Variants in KCNJ6 observed in about 807,000 individuals in gnomAD.
KCNJ6 encodes the protein potassium inwardly rectifying channel subfamily J member 6, also known as G protein-activated inward rectifier potassium channel 2.
In KCNJ6, 9 loss-of-function variants were observed where a neutral mutation model predicts 34.2. The observed-to-expected ratio is 0.26, with a 90% confidence interval of 0.16 to 0.46. The LOEUF (loss-of-function observed/expected upper bound fraction) is 0.46. Among genes scored for constraint, KCNJ6 ranks in the 20% least tolerant of loss-of-function variants. The probability of loss-of-function intolerance (pLI) is 1.00; values close to 1 mark genes in which losing one functional copy is unlikely to be tolerated. For missense variants in KCNJ6, 236 were observed against 531.3 expected (o/e 0.44, Z 5.46); for synonymous variants, 196 against 207.1 (o/e 0.95, Z 0.46).
intron 3 of KCNJ6, among the ~76,000 whole-genome samples, chr21:37,672,489 C>T (rs915751366): frequency 2.0e-5 from 3 of 151,982 alleles, no homozygotes; most frequent in African/African-American, 7.3e-5. Context: ...TCCTCTCCCC[C>T]TGGGTTTTTG....
At chr21:37,831,050 C>T (rs1167060419) in intron 2 of KCNJ6, among the ~76,000 whole-genome samples, 1 of 152,158 alleles carries the variant, frequency 6.6e-6, no homozygotes, top group Non-Finnish European at 1.5e-5. Flanking sequence ...GCAGGCAAGG[C>T]GGGAAGCCCC....
intron 1 of KCNJ6, among the ~76,000 whole-genome samples, chr21:37,883,263 T>C (rs2055718989): frequency 6.6e-6 from 1 of 152,220 alleles, no homozygotes; most frequent in Non-Finnish European, 1.5e-5. Context: ...AGTATTTTAC[T>C]CTTTGCAAGT....
intron 2 of KCNJ6, among the ~76,000 whole-genome samples, chr21:37,773,301 C>T (rs887616049): frequency 3.3e-5 from 5 of 152,106 alleles, no homozygotes; most frequent in Admixed American, 2.6e-4. Flanking sequence ...GCCTCAGCCC[C>T]GTCAACTGGC....
At chr21:37,909,795 G>C (rs147292677) in intron 1 of KCNJ6, among the ~76,000 whole-genome samples, 2 of 152,126 alleles carry the variant, frequency 1.3e-5, no homozygotes, top group Non-Finnish European at 2.9e-5. Flanking sequence ...GTTGATTAAG[G>C]TCACATAGTT....
chr21:37,855,211 G>A (rs980083634), intron 1 of KCNJ6, among the ~76,000 whole-genome samples: 2 of 151,872 alleles, frequency 1.3e-5, no homozygotes, highest in Non-Finnish European at 2.9e-5. Flanking sequence ...TTTTACTTGT[G>A]CCACCCCCAT....
Position 37,617,017 on chromosome 21 carries a change from TTTC to T in KCNJ6, c.*8139_*8141del, listed in dbSNP as rs2054271143. The T allele has an allele frequency of 4.7e-5, 1 of 21,458 alleles. No individual in the cohort carries two copies. The highest frequency in any genetic ancestry group is 5.7e-4 in the Admixed American group (1 of 1,752). The allele number at this position is 21,458 out of a possible 1,614,324, so 1.3% of individuals were successfully genotyped here. A position where few individuals can be genotyped will look rare whatever the true frequency, so the allele number is the denominator to read the frequency against. On this transcript the variant is annotated 3_prime_UTR_variant, in exon 4 of 4. Transcript: ENST00000609713. ...TTTCTTTCTCTTTCTTTTCTCTTTC[TTTC>T]TTTCTTTCTTTCTTTCTTTCTTTCT... is the stretch of plus-strand genomic sequence containing the variant.
chr21:37,896,443 C>T (rs927044295), intron 1 of KCNJ6, among the ~76,000 whole-genome samples: 4 of 152,190 alleles, frequency 2.6e-5, no homozygotes, highest in African/African-American at 9.6e-5. Context: ...CCTGAGATGA[C>T]CAGGCTGATG....
intron 1 of KCNJ6, among the ~76,000 whole-genome samples, chr21:37,903,723 A>AAAAAC (rs1156734648): frequency 2.7e-5 from 4 of 147,592 alleles, no homozygotes; most frequent in Admixed American, 6.7e-5. Context: ...TCTGGAAATT[A>AAAAAC]AAAACAAAAC....
At chr21:37,701,090 A>C (rs2054688602) in intron 3 of KCNJ6, among the ~76,000 whole-genome samples, 1 of 152,246 alleles carries the variant, frequency 6.6e-6, no homozygotes, top group Non-Finnish European at 1.5e-5. Context: ...GGAGATGCCC[A>C]GGAGGACACA....
At chr21:37,632,010 T>C (rs2054335902) in intron 3 of KCNJ6, among the ~76,000 whole-genome samples, 1 of 152,062 alleles carries the variant, frequency 6.6e-6, no homozygotes, top group Non-Finnish European at 1.5e-5. Context: ...GTGGCCCCGA[T>C]TGTGTAAAAC....
chr21:37,746,581 T>A lies in KCNJ6; in HGVS notation c.26-31450A>T, dbSNP rs369669552. ...GGAAAGTTCCATAACTTGCCTAGGG[T>A]GTTTGACCTCTAAAGCTGGTATTCT... On this transcript the variant is annotated intron_variant, in intron 2 of 3. Coordinates refer to ENST00000609713, the MANE Select transcript of KCNJ6 (RefSeq NM_002240.5). 2.0e-5 allele frequency among the ~76,000 whole-genome samples: 3 copies of A among 152,022 alleles called. No homozygotes were observed. The East Asian group carries it at 5.8e-4, about 29-fold the overall frequency.
intron 3 of KCNJ6, among the ~76,000 whole-genome samples, chr21:37,629,922 AAG>A (rs1385594898): frequency 1.3e-5 from 2 of 152,234 alleles, no homozygotes; most frequent in African/African-American, 2.4e-5. Flanking sequence ...AAGGATAAAA[AAG>A]AATATTAATG....
intron 1 of KCNJ6, among the ~76,000 whole-genome samples, chr21:37,914,923 T>G (rs1018809352): frequency 1.8e-4 from 28 of 151,876 alleles, no homozygotes; most frequent in Non-Finnish European, 3.4e-4. Context: ...GGGGTTTTTT[T>G]TTTTTTCTCT....
chr21:37,633,636 C>T (rs2123369838), intron 3 of KCNJ6, among the ~76,000 whole-genome samples: 1 of 152,150 alleles, frequency 6.6e-6, no homozygotes, highest in East Asian at 1.9e-4. Flanking sequence ...AAAATCTATG[C>T]AGAAAACTTA....
At chr21:37,846,508 G>A (rs1241645259) in intron 1 of KCNJ6, among the ~76,000 whole-genome samples, 1 of 151,910 alleles carries the variant, frequency 6.6e-6, no homozygotes, top group African/African-American at 2.4e-5. Context: ...CCCTCAGACA[G>A]AGGACAGGAG....
intron 2 of KCNJ6, among the ~76,000 whole-genome samples, chr21:37,822,896 G>T (rs554722252): frequency 1.3e-5 from 2 of 152,298 alleles, no homozygotes; most frequent in South Asian, 2.1e-4. Flanking sequence ...TCAGCAGGGG[G>T]TGGAATAAGA....
At chr21:37,869,279 C>T (rs1302798751) in intron 1 of KCNJ6, among the ~76,000 whole-genome samples, 1 of 152,242 alleles carries the variant, frequency 6.6e-6, no homozygotes, top group Non-Finnish European at 1.5e-5. Context: ...CCTCTTCTAA[C>T]CTTAATACAC....
intron 1 of KCNJ6, among the ~76,000 whole-genome samples, chr21:37,847,522 G>A (rs576381194): frequency 3.3e-5 from 5 of 152,322 alleles, no homozygotes; most frequent in Non-Finnish European, 5.9e-5. Context: ...TCAATCATCC[G>A]ATGCTGAAAA....
chr21:37,711,881 C>T (rs1329428627), intron 3 of KCNJ6, among the ~76,000 whole-genome samples: 6 of 150,264 alleles, frequency 4.0e-5, no homozygotes, highest in African/African-American at 9.8e-5. Flanking sequence ...ATGGGGTGAG[C>T]GTTTGGATTG....
Sources: gnomAD v4.1 joint callset for allele counts (sites outside exome capture counted in the v4.1 genomes callset) on GRCh38, gnomAD v4.1.1 for gene constraint, MANE v1.5 for transcripts, NCBI Gene and HGNC (gene_info 2026-07-23, HGNC 2026-07-21) for gene names.